Variants in STK32A observed in about 807,000 individuals in gnomAD.
STK32A encodes the protein serine/threonine kinase 32A.
A neutral mutation model predicts 53.2 loss-of-function variants in STK32A; 41 were observed. The ratio of observed to expected loss-of-function variants is 0.77; its 90% CI spans 0.60 to 1.00. STK32A has a LOEUF of 1.00. STK32A is among the 50% of genes least tolerant of loss of function. The pLI, the probability that STK32A is intolerant of heterozygous loss-of-function variation, is 0.00. For synonymous variants in STK32A, 166 were observed against 162.8 expected (o/e 1.02, Z -0.15); for missense variants, 458 against 485.8 (o/e 0.94, Z 0.54).
At chr5:147,393,992 C>T in the STK32A span, 1 of 1,600,226 alleles carries the variant, frequency 6.2e-7, no homozygotes, top group Non-Finnish European at 8.6e-7. Flanking sequence ...GGCTTCAAAA[C>T]AATCTCTTCT....
At chr5:147,349,742 G>A (rs775067856) in intron 6 of STK32A, among the ~76,000 whole-genome samples, 1 of 152,114 alleles carries the variant, frequency 6.6e-6, no homozygotes, top group African/African-American at 2.4e-5. Context: ...TCTACTATGT[G>A]TTAGAGGCTG....
At chr5:147,270,581 A>G (rs1025482745) in intron 2 of STK32A, among the ~76,000 whole-genome samples, 1 of 152,232 alleles carries the variant, frequency 6.6e-6, no homozygotes, top group Non-Finnish European at 1.5e-5. Context: ...TATGTTAAAC[A>G]GAGTTAATTT....
At chr5:147,235,468 C>G (rs1475704100) in intron 1 of STK32A, among the ~76,000 whole-genome samples, 1 of 152,226 alleles carries the variant, frequency 6.6e-6, no homozygotes, top group African/African-American at 2.4e-5. Flanking sequence ...TCTGCTTGTT[C>G]TCCAGCATCT....
intron 2 of STK32A, among the ~76,000 whole-genome samples, chr5:147,246,722 T>A (rs1031345715): frequency 1.6e-4 from 25 of 152,228 alleles, no homozygotes; most frequent in African/African-American, 6.0e-4. Context: ...GTGATTTATA[T>A]GAAAAAATGT....
chr5:147,376,382 A>G (rs1010112727), intron 11 of STK32A, among the ~76,000 whole-genome samples: 14 of 152,214 alleles, frequency 9.2e-5, no homozygotes, highest in South Asian at 2.1e-4. Flanking sequence ...TGATCATGTC[A>G]TAACCAACCC....
At chr5:147,263,469 A>G (rs531219622) in intron 2 of STK32A, among the ~76,000 whole-genome samples, 17 of 152,200 alleles carry the variant, frequency 1.1e-4, no homozygotes, top group Non-Finnish European at 2.1e-4. Flanking sequence ...TGAACAGGGA[A>G]AAAGTTAGCA....
intron 1 of STK32A, 145 bp downstream of exon 1, chr5:147,235,344 A>G (rs1343756594): frequency 6.6e-6 from 1 of 152,370 alleles, no homozygotes; most frequent in African/African-American, 2.4e-5. Flanking sequence ...GCTAGGGCCA[A>G]TTCCAGCTAT....
chr5:147,283,935 AC>A (rs1283753445), intron 4 of STK32A, among the ~76,000 whole-genome samples: 8 of 152,088 alleles, frequency 5.3e-5, no homozygotes, highest in Non-Finnish European at 1.0e-4. Flanking sequence ...AGCCAGCATC[AC>A]CCTAATACCA....
chr5:147,384,545 A>C lies in STK32A; in HGVS notation c.*562A>C, dbSNP rs1757575959. 9 of 885,808 alleles carry C rather than the reference A, an allele frequency of 1.0e-5. No individual in the cohort carries two copies. The highest frequency in any genetic ancestry group is 1.6e-5 in the Non-Finnish European group (9 of 578,886). The allele number at this position is 885,808 out of a possible 1,614,324, so 54.9% of individuals were successfully genotyped here. ...AGAGATGGATGAGGGCCTTCCAGTG[A>C]TATGCGTGAATCAGCATTAGATCCG... On this transcript the variant is annotated 3_prime_UTR_variant, in exon 13 of 13. Coordinates refer to ENST00000397936, the MANE Select transcript of STK32A (RefSeq NM_001112724.2).
chr5:147,260,227 CCTCT>C (rs1273871942), intron 2 of STK32A, among the ~76,000 whole-genome samples: 2 of 109,330 alleles, frequency 1.8e-5, no homozygotes, highest in African/African-American at 3.6e-5. Context: ...CTCTCTCTCT[CCTCT>C]CTGTCTCTGT....
intron 5 of STK32A, 61 bp from the exon 6 acceptor site, chr5:147,342,944 CT>C (rs1479508832): frequency 6.4e-7 from 1 of 1,550,832 alleles, no homozygotes; most frequent in African/African-American, 1.4e-5. Flanking sequence ...CTTTTTGCCC[CT>C]ACCCCTTAGT....
chr5:147,246,057 G>T (rs1366902806), intron 2 of STK32A, among the ~76,000 whole-genome samples: 1 of 152,172 alleles, frequency 6.6e-6, no homozygotes, highest in African/African-American at 2.4e-5. Flanking sequence ...ATAGGCAAAT[G>T]AATTTCCGAC....
At chr5:147,331,159 G>C (rs1225723885) in intron 5 of STK32A, among the ~76,000 whole-genome samples, 2 of 152,120 alleles carry the variant, frequency 1.3e-5, no homozygotes, top group Non-Finnish European at 2.9e-5. Flanking sequence ...TGAGTCATCT[G>C]GAAAGATGTT....
At chr5:147,372,847 A>G (rs1757058930) in intron 9 of STK32A, among the ~76,000 whole-genome samples, 1 of 152,170 alleles carries the variant, frequency 6.6e-6, no homozygotes, top group African/African-American at 2.4e-5. Flanking sequence ...CAATCGTATG[A>G]AATACATTAT....
At chr5:147,395,637 C>T in the STK32A span, 76 of 1,613,914 alleles carry the variant, frequency 4.7e-5, no homozygotes, top group Non-Finnish European at 5.8e-5. Flanking sequence ...GCAGAGCCTG[C>T]GGGGGTGCCA....
At chr5:147,290,359 G>A (rs180767553) in intron 4 of STK32A, among the ~76,000 whole-genome samples, 7 of 152,228 alleles carry the variant, frequency 4.6e-5, no homozygotes, top group African/African-American at 1.7e-4. Context: ...CTACACTCAG[G>A]AACAGTCTTC....
intron 5 of STK32A, among the ~76,000 whole-genome samples, chr5:147,327,405 G>T (rs564241813): frequency 1.3e-5 from 2 of 152,204 alleles, no homozygotes; most frequent in East Asian, 1.9e-4. Context: ...AAGTGAGAAT[G>T]AAAAAAAGAA....
intron 6 of STK32A, among the ~76,000 whole-genome samples, chr5:147,343,742 A>C (rs535835090): frequency 1.3e-5 from 2 of 152,236 alleles, no homozygotes; most frequent in Non-Finnish European, 2.9e-5. Flanking sequence ...CTATGCTGGC[A>C]CATAACTAGT....
At chr5:147,400,557 T>A in the STK32A span, 21 of 1,236,566 alleles carry the variant, frequency 1.7e-5, no homozygotes, top group Non-Finnish European at 2.4e-5. Flanking sequence ...AGCCACATGG[T>A]TCCAGAGACA....
Sources: gnomAD v4.1 joint callset for allele counts (sites outside exome capture counted in the v4.1 genomes callset) on GRCh38, gnomAD v4.1.1 for gene constraint, MANE v1.5 for transcripts, NCBI Gene and HGNC (gene_info 2026-07-23, HGNC 2026-07-21) for gene names.